FAM78B: variants seen among roughly 807,000 people sequenced by gnomAD.
FAM78B encodes protein FAM78B.
A neutral mutation model predicts 20.0 loss-of-function variants in FAM78B; 10 were observed. That is an observed-to-expected ratio of 0.50 (90% CI 0.31 to 0.85). FAM78B has a LOEUF of 0.85. Among genes scored for constraint, FAM78B ranks in the 40% least tolerant of loss-of-function variants. FAM78B has a pLI of 0.05. For missense variants in FAM78B, 283 were observed against 345.0 expected, an observed-to-expected ratio of 0.82 and a Z score of 1.42; for synonymous variants, 135 against 132.8, an observed-to-expected ratio of 1.02 and a Z score of -0.12.
At position 166,166,446 on chromosome 1, in the gene FAM78B, C is replaced by G. The variant is rs1262937703; in HGVS notation, c.-198G>C. 1.2e-5 allele frequency: 3 copies of G among 254,302 alleles called. No individual in the cohort carries two copies. Among genetic ancestry groups the G allele is most frequent in the Admixed American group, 6.3e-5 (1 of 15,832 alleles). The allele number at this position is 254,302 out of a possible 1,614,324, so 15.8% of individuals were successfully genotyped here. A position where few individuals can be genotyped will look rare whatever the true frequency, so the allele number is the denominator to read the frequency against. ...GCAGCCGCGCGGGGTCCCCGCTGCCCCGACGTCCGCCCACGCCCGCCCCCT... is the reference window on the plus strand; with the variant it reads ...GCAGCCGCGCGGGGTCCCCGCTGCCGCGACGTCCGCCCACGCCCGCCCCCT... On this transcript the variant is annotated 5_prime_UTR_variant, in exon 1 of 2. Coordinates refer to ENST00000354422, the MANE Select transcript of FAM78B (RefSeq NM_001017961.5).
downstream of FAM78B, among the ~76,000 whole-genome samples, chr1:166,065,283 G>C (rs917463267): frequency 3.3e-5 from 5 of 152,116 alleles, no homozygotes; most frequent in African/African-American, 9.7e-5. Flanking sequence ...CACCAATTTA[G>C]TGTGACCTTG....
chr1:166,128,905 G>A (rs2101776261), intron 1 of FAM78B, among the ~76,000 whole-genome samples: 1 of 152,318 alleles, frequency 6.6e-6, no homozygotes, highest in African/African-American at 2.4e-5. Flanking sequence ...TGCATTTAAG[G>A]ATCTCAATAT....
At chr1:166,064,803 C>A (rs1302197669), downstream of FAM78B, among the ~76,000 whole-genome samples, 1 of 152,240 alleles carries the variant, frequency 6.6e-6, no homozygotes, top group Admixed American at 6.5e-5. Context: ...TATTTTCAGA[C>A]ACTGTCCTAC....
At chr1:166,060,468 C>T (rs770451825) in exon 3 of FAM78B, 6 of 566,398 alleles carry the variant, frequency 1.1e-5, no homozygotes, top group East Asian at 6.7e-5. Flanking sequence ...CCACATGGCT[C>T]GTGGAGGGTG....
intron 1 of FAM78B, chr1:166,154,790 C>T (rs768428855): frequency 2.0e-6 from 1 of 489,764 alleles, no homozygotes; most frequent in Non-Finnish European, 4.2e-6. Context: ...GGTTCTGTCC[C>T]TCACTAGTTG....
chr1:166,078,674 C>G (rs1315283774), intron 1 of FAM78B, among the ~76,000 whole-genome samples: 1 of 152,210 alleles, frequency 6.6e-6, no homozygotes, highest in African/African-American at 2.4e-5. Context: ...CTTTGCTCCC[C>G]CTGAAGCCCT....
At chr1:166,130,186 C>T (rs975003395) in intron 1 of FAM78B, among the ~76,000 whole-genome samples, 9 of 151,616 alleles carry the variant, frequency 5.9e-5, no homozygotes. Context: ...CTGCTACTCA[C>T]CTCTGTGGCT....
downstream of FAM78B, among the ~76,000 whole-genome samples, chr1:166,068,143 G>C (rs2101706842): frequency 1.3e-5 from 2 of 152,278 alleles, no homozygotes; most frequent in South Asian, 2.1e-4. Context: ...GGGCCACATG[G>C]ATTAGATTCT....
chr1:166,124,627 A>G (rs1654576016), intron 1 of FAM78B, among the ~76,000 whole-genome samples: 3 of 152,204 alleles, frequency 2.0e-5, no homozygotes, highest in African/African-American at 4.8e-5. Context: ...TTTAGAAATA[A>G]TTTAACAGGC....
rs763715884 is a variant in FAM78B at position 166,070,334 on chromosome 1, A to AG, written c.692dup (p.Asn232Ter). On this transcript the variant is annotated frameshift_variant, in exon 2 of 2. Coordinates refer to ENST00000354422, the MANE Select transcript of FAM78B (RefSeq NM_001017961.5). LOFTEE classifies it high-confidence loss of function. ...TGGCATTGGGTTTCACTAGTGCATT[A>AG]GGGGGGATGGGTTCCATCCGGCTCA... 3 of 1,609,720 alleles carry AG rather than the reference A, an allele frequency of 1.9e-6. No individual in the cohort carries two copies. Among genetic ancestry groups the AG allele is most frequent in the Non-Finnish European group, 2.5e-6 (3 of 1,177,660 alleles).
downstream of FAM78B, among the ~76,000 whole-genome samples, chr1:166,068,724 A>C (rs1425244239): frequency 6.6e-6 from 1 of 152,220 alleles, no homozygotes; most frequent in African/African-American, 2.4e-5. Context: ...CTACTTCTTA[A>C]ATCCACAATG....
chr1:166,111,723 G>T (rs1480708080), intron 1 of FAM78B, among the ~76,000 whole-genome samples: 1 of 152,184 alleles, frequency 6.6e-6, no homozygotes, highest in African/African-American at 2.4e-5. Flanking sequence ...GGGATCCAAC[G>T]AATGCAGGTC....
intron 1 of FAM78B, among the ~76,000 whole-genome samples, chr1:166,127,517 T>G (rs537150927): frequency 6.6e-6 from 1 of 152,296 alleles, no homozygotes; most frequent in Non-Finnish European, 1.5e-5. Flanking sequence ...TGCAGTCCCT[T>G]TTCTACCAAC....
intron 1 of FAM78B, among the ~76,000 whole-genome samples, chr1:166,132,356 C>T (rs1340026779): frequency 2.6e-5 from 4 of 152,070 alleles, no homozygotes; most frequent in East Asian, 1.9e-4. Flanking sequence ...ATCTAGCTTG[C>T]GATTTAACGG....
intron 1 of FAM78B, among the ~76,000 whole-genome samples, chr1:166,078,933 T>G (rs1425745225): frequency 2.0e-5 from 3 of 150,636 alleles, no homozygotes; most frequent in African/African-American, 4.9e-5. Context: ...ACATGTTTTT[T>G]TTTTTTTTTT....
chr1:166,145,991 T>C (rs1358353200), intron 1 of FAM78B, among the ~76,000 whole-genome samples: 3 of 152,228 alleles, frequency 2.0e-5, no homozygotes, highest in Non-Finnish European at 4.4e-5. Context: ...CTTAGTTCTT[T>C]TCATTTGCGA....
intron 1 of FAM78B, among the ~76,000 whole-genome samples, chr1:166,137,551 C>T (rs1261345502): frequency 6.6e-6 from 1 of 151,482 alleles, no homozygotes; most frequent in South Asian, 2.1e-4. Context: ...ACTAGTTATA[C>T]TATAGCTCCA....
intron 2 of FAM78B, chr1:166,060,674 A>G: frequency 1.6e-6 from 2 of 1,282,464 alleles, no homozygotes; most frequent in Non-Finnish European, 2.0e-6. Flanking sequence ...CTGTATGTGG[A>G]CATGGAAACA....
At chr1:166,145,934 C>T (rs1655436631) in intron 1 of FAM78B, among the ~76,000 whole-genome samples, 2 of 151,984 alleles carry the variant, frequency 1.3e-5, no homozygotes, top group African/African-American at 4.8e-5. Context: ...CTAAAATTCT[C>T]TTTTTTTTAT....
Sources: allele counts gnomAD v4.1 joint callset (sites outside exome capture counted in the v4.1 genomes callset), GRCh38; gene constraint gnomAD v4.1.1; transcripts MANE v1.5; gene names NCBI Gene and HGNC (gene_info 2026-07-23, HGNC 2026-07-21).